Variants in ENPP5 observed in about 807,000 individuals in gnomAD.
ENPP5 encodes ectonucleotide pyrophosphatase/phosphodiesterase family member 5.
Under a neutral mutation model 33.7 loss-of-function variants are expected in ENPP5, and 27 were observed. That is an observed-to-expected ratio of 0.80 (90% CI 0.59 to 1.11). The LOEUF is 1.11. Ranked by LOEUF, ENPP5 falls within the 50% of genes least tolerant of loss-of-function variation. The pLI is 0.00. For missense variants in ENPP5, 552 were observed against 579.2 expected, an observed-to-expected ratio of 0.95 and a Z score of 0.48; for synonymous variants, 199 against 200.5, an observed-to-expected ratio of 0.99 and a Z score of 0.06.
At chr6:46,163,587 T>G (rs1442976566) in intron 4 of ENPP5, among the ~76,000 whole-genome samples, 2 of 152,094 alleles carry the variant, frequency 1.3e-5, no homozygotes, top group African/African-American at 4.8e-5. Context: ...TTTCCAGTTC[T>G]AGATCCCTGA....
rs1764381501 is a variant in ENPP5 at position 46,161,228 on chromosome 6, C to A, written c.*98G>T. The stretch of plus-strand genomic sequence containing the variant: ...ATATGTAACTGCTTAATGGTTTCTG[C>A]AAATGTTTGGAACTGGTTTCCCAGA... On this transcript the variant is annotated 3_prime_UTR_variant, in exon 5 of 5. Coordinates refer to ENST00000371383, the MANE Select transcript of ENPP5 (RefSeq NM_001290072.2). The A allele has an allele frequency of 2.1e-6, 2 of 967,090 alleles. No homozygotes were observed. The highest frequency in any genetic ancestry group is 1.6e-5 in the African/African-American group (1 of 60,942). 59.9% of individuals were successfully genotyped at this position (967,090 alleles called of 1,614,324 possible).
At position 46,167,567 on chromosome 6, in the gene ENPP5, G is replaced by A. The variant is rs767552788; in HGVS notation, c.696C>T (p.Asn232=). ...LKKAKLWNTL[N]LIITSDHGMT... is the part of the protein sequence containing the mutation. ...TTCCATGATCACTTGTGATGATTAGGTTCAGAGTGTTCCACAACTTTGCCT... is the reference window on the plus strand; with the variant it reads ...TTCCATGATCACTTGTGATGATTAGATTCAGAGTGTTCCACAACTTTGCCT... Residue 232 remains asparagine (N), a synonymous_variant, in exon 3 of 5, where the codon AAC becomes AAT. Transcript: ENST00000371383. 6.2e-7 allele frequency: 1 copy of A among 1,614,068 alleles called. No homozygotes were observed. The highest frequency in any genetic ancestry group is 8.5e-7 in the Non-Finnish European group (1 of 1,179,986).
chr6:46,165,358 A>G, intron 4 of ENPP5, 29 bp downstream of exon 4: 1 of 1,490,162 alleles, frequency 6.7e-7, no homozygotes, highest in African/African-American at 1.4e-5. Context: ...AGTAATGCAG[A>G]ATGGAAAGAA....
intron 1 of ENPP5, among the ~76,000 whole-genome samples, chr6:46,170,536 C>T (rs546110703): frequency 7.9e-4 from 120 of 152,108 alleles, no homozygotes; most frequent in South Asian, 6.9e-3. Flanking sequence ...GGACGGGGCA[C>T]CGATTAAACG....
chr6:46,169,512 T>C (rs1204170652), intron 2 of ENPP5, among the ~76,000 whole-genome samples: 1 of 151,896 alleles, frequency 6.6e-6, no homozygotes. Flanking sequence ...CCTGCCTCAG[T>C]CTCCCAAGTA....
Position 46,165,508 on chromosome 6 carries a change from A to C in ENPP5, c.885T>G (p.Val295=). Reference sequence around the variant, plus strand: ...TTTCTGGAACGTCTTCTTTTTTGTAAACAGTAAGATTAGGATGAGCGTGAG... The same window carrying C: ...TTTCTGGAACGTCTTCTTTTTTGTACACAGTAAGATTAGGATGAGCGTGAG... ...ALTHAHPNLT[V]YKKEDVPERW... is the part of the protein sequence containing the mutation. The change falls in exon 4 of 5, where the codon GTT becomes GTG. Residue 295 remains valine (V), a synonymous_variant. Transcript: ENST00000371383. 1.9e-6 allele frequency: 3 copies of C among 1,610,712 alleles called. No individual in the cohort carries two copies. Among genetic ancestry groups the C allele is most frequent in the Non-Finnish European group, 2.5e-6 (3 of 1,179,226 alleles).
Position 46,168,165 on chromosome 6 carries a change from A to G in ENPP5, c.98T>C (p.Val33Ala). The G allele has an allele frequency of 6.2e-7, 1 of 1,613,498 alleles. No homozygotes were observed. Among genetic ancestry groups the G allele is most frequent in the South Asian group, 1.1e-5 (1 of 91,042 alleles). ...LQPDQQKVLL[V>A]SFDGFRWDYL... ...ATCCCAACGGAATCCATCAAAAGAA[A>G]CTAGTAGAACCTTTTGCTGGTCTGG... Residue 33 changes from valine (V) to alanine (A), a missense_variant, in exon 3 of 5, where the codon GTT becomes GCT. Coordinates refer to ENST00000371383, the MANE Select transcript of ENPP5 (RefSeq NM_001290072.2).
At chr6:46,166,979 A>G (rs897115978) in intron 3 of ENPP5, among the ~76,000 whole-genome samples, 3 of 152,246 alleles carry the variant, frequency 2.0e-5, no homozygotes, top group African/African-American at 7.2e-5. Context: ...TTTATAAGGA[A>G]AATAAACCTC....
intron 2 of ENPP5, among the ~76,000 whole-genome samples, chr6:46,169,083 A>AAAGC (rs1395928592): frequency 6.6e-6 from 1 of 152,194 alleles, no homozygotes; most frequent in Admixed American, 6.5e-5. Context: ...AGGTGTAGTA[A>AAAGC]AAGCACTTCC....
Position 46,167,467 on chromosome 6 carries a change from G to T in ENPP5, c.796C>A (p.Gln266Lys). The T allele has an allele frequency of 6.2e-7, 1 of 1,609,666 alleles. No individual in the cohort carries two copies. The highest frequency in any genetic ancestry group is 1.1e-5 in the South Asian group (1 of 90,874). ...GGCAAGATGGCTGCTACTGGAGATTGATCAATCAGGGTATAGTGGTCTTTA... is the reference window on the plus strand; with the variant it reads ...GGCAAGATGGCTGCTACTGGAGATTTATCAATCAGGGTATAGTGGTCTTTA... ...LDKDHYTLID[Q>K]SPVAAILPKE... Residue 266 changes from glutamine (Q) to lysine (K), a missense_variant, in exon 3 of 5, where the codon CAA (glutamine) becomes AAA (lysine). By Grantham distance (53) the Gln-to-Lys change is moderately conservative. Coordinates refer to ENST00000371383, the MANE Select transcript of ENPP5 (RefSeq NM_001290072.2).
intron 4 of ENPP5, among the ~76,000 whole-genome samples, chr6:46,164,158 C>A (rs1176701956): frequency 6.6e-6 from 1 of 152,064 alleles, no homozygotes; most frequent in Non-Finnish European, 1.5e-5. Context: ...AGTGAACAGG[C>A]AACCTATAAA....
intron 2 of ENPP5, among the ~76,000 whole-genome samples, chr6:46,169,289 C>G (rs1211808590): frequency 6.6e-6 from 1 of 152,160 alleles, no homozygotes; most frequent in Non-Finnish European, 1.5e-5. Flanking sequence ...TCTACCCATT[C>G]CTGCATGAAG....
intron 1 of ENPP5, among the ~76,000 whole-genome samples, chr6:46,170,330 T>A (rs1186739153): frequency 6.6e-6 from 1 of 151,154 alleles, no homozygotes; most frequent in East Asian, 1.9e-4. Context: ...AGACTCAACA[T>A]CACATCCATG....
In ENPP5 at chr6:46,161,617, G is replaced by C. The variant is rs746582838; in HGVS notation, c.1143C>G (p.Leu381=). 2 of 1,614,064 alleles carry C rather than the reference G, an allele frequency of 1.2e-6. No individual in the cohort carries two copies. The highest frequency in any genetic ancestry group is 2.2e-5 in the South Asian group (2 of 91,080). The change falls in exon 5 of 5, where the codon CTC becomes CTG. Residue 381 remains leucine (L), a synonymous_variant. Transcript: ENST00000371383. ...CATTGTGTGGCATGGCGGTGATATT[G>C]AGGAGGTGGCATAGTAGTGGGTACA... ...TDLYPLLCHL[L]NITAMPHNGS... is the part of the protein sequence containing the mutation.
rs1764717855 is a variant in ENPP5, at chr6:46,170,886, C to G, written c.-176G>C. ...CTGGAGGAGACTCCCTCGGGCGCGC[C>G]GCGGGTAACGGCGGGAGGGTGACTG... On this transcript the variant is annotated 5_prime_UTR_variant, in exon 1 of 5. Coordinates refer to ENST00000371383, the MANE Select transcript of ENPP5 (RefSeq NM_001290072.2). 6.6e-6 allele frequency: 1 copy of G among 152,342 alleles called. No homozygotes were observed. Among genetic ancestry groups the G allele is most frequent in the African/African-American group, 2.4e-5 (1 of 41,448 alleles). 9.4% of individuals were successfully genotyped at this position (152,342 alleles called of 1,614,324 possible).
chr6:46,165,640 G>A (rs1266540239), intron 3 of ENPP5, 77 bp from the exon 4 acceptor site: 54 of 1,171,132 alleles, frequency 4.6e-5, no homozygotes, highest in Non-Finnish European at 2.3e-5. Flanking sequence ...GACTTGCTAC[G>A]GAGGTGAAAA....
intron 3 of ENPP5, 113 bp downstream of exon 3, chr6:46,167,321 T>G: frequency 1.4e-6 from 1 of 708,236 alleles, no homozygotes; most frequent in East Asian, 2.5e-5. Context: ...AATATTACCA[T>G]GACACAGGCA....
In ENPP5 at chr6:46,168,209, T is replaced by G; in HGVS notation, c.54A>C (p.Ser18=). 6.2e-7 allele frequency: 1 copy of G among 1,610,238 alleles called. No individual in the cohort carries two copies. Among genetic ancestry groups the G allele is most frequent in the Non-Finnish European group, 8.5e-7 (1 of 1,177,382 alleles). The part of the protein sequence containing the change: ...VSFILAALSL[S]TTFSLQPDQQ... The stretch of plus-strand genomic sequence containing the variant: ...GGTCTGGTTGGAGAGAAAAGGTGGT[T>G]GAAAGACTCAGTGCAGCAAGTATGA... The change falls in exon 3 of 5, where the codon TCA becomes TCC. Residue 18 remains serine, a synonymous_variant. Coordinates refer to ENST00000371383, the MANE Select transcript of ENPP5 (RefSeq NM_001290072.2).
chr6:46,163,099 T>C (rs1764435549), intron 4 of ENPP5, among the ~76,000 whole-genome samples: 1 of 152,342 alleles, frequency 6.6e-6, no homozygotes, highest in East Asian at 1.9e-4. Context: ...CTTGATCAAG[T>C]AGATGGTATT....
Sources: allele counts gnomAD v4.1 joint callset (sites outside exome capture counted in the v4.1 genomes callset), GRCh38; gene constraint gnomAD v4.1.1; transcripts MANE v1.5; gene names NCBI Gene and HGNC (gene_info 2026-07-23, HGNC 2026-07-21).